The following ADGRE1 variants were observed in gnomAD, a reference collection of about 807,000 sequenced individuals.
ADGRE1 encodes the protein adhesion G protein-coupled receptor E1, also known as EGF-like module receptor 1.
A neutral mutation model predicts 102.7 loss-of-function variants in ADGRE1; 82 were observed. The ratio of observed to expected loss-of-function variants is 0.80; its 90% CI spans 0.67 to 0.96. The LOEUF (loss-of-function observed/expected upper bound fraction) is 0.96, where lower values mean the gene tolerates loss of function less well. ADGRE1 is among the 40% of genes least tolerant of loss of function. The probability of loss-of-function intolerance (pLI) is 0.00; values close to 1 mark genes in which losing one functional copy is unlikely to be tolerated. For missense variants in ADGRE1, 1,032 were observed against 1,085.3 expected (o/e 0.95, Z 0.69); for synonymous variants, 398 against 399.6 (o/e 1.00, Z 0.05).
At chr19:6,923,155 C>T (rs992399039) in intron 14 of ADGRE1, among the ~76,000 whole-genome samples, 12 of 152,254 alleles carry the variant, frequency 7.9e-5, no homozygotes, top group African/African-American at 2.4e-4. Context: ...AAGTAAGTGC[C>T]ATTTCGAGGA....
intron 14 of ADGRE1, among the ~76,000 whole-genome samples, chr19:6,922,848 T>C (rs1974728837): frequency 6.6e-6 from 1 of 151,878 alleles, no homozygotes; most frequent in South Asian, 2.1e-4. Flanking sequence ...GAGGCCGAGG[T>C]GGGCAGATCA....
chr19:6,921,370 C>T (rs776726851), intron 13 of ADGRE1, among the ~76,000 whole-genome samples: 4 of 152,026 alleles, frequency 2.6e-5, no homozygotes, highest in Non-Finnish European at 5.9e-5. Context: ...TGCAGCGAGC[C>T]GAGACTGCAC....
At chr19:6,907,122 C>T (rs1161928404) in intron 9 of ADGRE1, among the ~76,000 whole-genome samples, 1 of 152,068 alleles carries the variant, frequency 6.6e-6, no homozygotes, top group African/African-American at 2.4e-5. Context: ...AGTAAAGACT[C>T]CATGACCTCT....
chr19:6,905,507 C>T (rs1973921095), intron 8 of ADGRE1, among the ~76,000 whole-genome samples: 1 of 151,978 alleles, frequency 6.6e-6, no homozygotes, highest in Non-Finnish European at 1.5e-5. Context: ...TGCCCATCAC[C>T]ACACCCAGCT....
intron 2 of ADGRE1, chr19:6,896,148 TAA>T: frequency 2.5e-6 from 1 of 407,320 alleles, no homozygotes; most frequent in Non-Finnish European, 4.5e-6. Context: ...TCTCTTCTTA[TAA>T]GGACACCTGT....
chr19:6,897,304 G>T lies in ADGRE1; in HGVS notation c.394G>T (p.Asp132Tyr), dbSNP rs1973595241. 1 of 1,613,672 alleles carries T rather than the reference G, an allele frequency of 6.2e-7. No homozygotes were observed. Among genetic ancestry groups the T allele is most frequent in the Non-Finnish European group, 8.5e-7 (1 of 1,179,952 alleles). Reference protein sequence around the residue: ...PGKPGNFSCTDINECLTSSVC... With the variant: ...PGKPGNFSCTYINECLTSSVC... ...AAAGCCGGGCAATTTCTCCTGTACT[G>T]GTAATGCTCTCAGGTTCCCAGGGAT... is the stretch of plus-strand genomic sequence containing the variant. Residue 132 changes from aspartate to tyrosine, a missense_variant and splice_region_variant, in exon 4 of 21, where the codon GAT becomes TAT. Physicochemically the swap from Asp to Tyr is radical, Grantham distance 160. Transcript: ENST00000312053.
intron 11 of ADGRE1, among the ~76,000 whole-genome samples, chr19:6,915,483 AG>A (rs1158142495): frequency 1.3e-5 from 2 of 152,284 alleles, no homozygotes; most frequent in African/African-American, 4.8e-5. Context: ...GGAGGCACAG[AG>A]AGGTTAAGTC....
In ADGRE1 at chr19:6,940,208, A is replaced by G; in HGVS notation, c.*179A>G. The G allele has an allele frequency of 3.0e-6, 2 of 673,034 alleles. No homozygotes were observed. The highest frequency in any genetic ancestry group is 2.7e-5 in the East Asian group (1 of 36,670). The allele number at this position is 673,034 out of a possible 1,614,324, so 41.7% of individuals were successfully genotyped here. A position where few individuals can be genotyped will look rare whatever the true frequency, so the allele number is the denominator to read the frequency against. ...TCCTGTGGTTGTATGCACTGATGAG[A>G]AATCAGGCGTTTCTGCTCCAAACGA... On this transcript the variant is annotated 3_prime_UTR_variant, in exon 21 of 21. Transcript: ENST00000312053.
chr19:6,931,439 C>A (rs73488639), intron 17 of ADGRE1, among the ~76,000 whole-genome samples: 4,570 of 152,168 alleles, frequency 0.03, 216 homozygotes, highest in African/African-American at 0.097. Context: ...TTGGCAGGGC[C>A]ACGCTCCCCA....
chr19:6,908,643 C>G lies in ADGRE1; in HGVS notation c.1039-46C>G, dbSNP rs749357068. On this transcript the variant is annotated intron_variant, in intron 9 of 20. Coordinates refer to ENST00000312053, the MANE Select transcript of ADGRE1 (RefSeq NM_001974.5). ...AGATTACATGCTTGGGGGAATACAT[C>G]GATTCATGCTCACAAATGCTCTTTT... 1.4e-5 allele frequency: 21 copies of G among 1,477,762 alleles called. 2 individuals carry two copies. Among genetic ancestry groups the G allele is most frequent in the East Asian group, 7.2e-5 (3 of 41,444 alleles). The allele number at this position is 1,477,762 out of a possible 1,614,324, so 91.5% of individuals were successfully genotyped here. A position where few individuals can be genotyped will look rare whatever the true frequency, so the allele number is the denominator to read the frequency against.
chr19:6,908,575 A>T, intron 9 of ADGRE1, 114 bp from the exon 10 acceptor site: 1 of 816,426 alleles, frequency 1.2e-6, no homozygotes, highest in Non-Finnish European at 1.9e-6. Context: ...AGACTCAGGA[A>T]TTCAGAGCCA....
At chr19:6,908,923 C>A in intron 10 of ADGRE1, 151 bp downstream of exon 10, 1 of 675,864 alleles carries the variant, frequency 1.5e-6, no homozygotes, top group Non-Finnish European at 2.4e-6. Flanking sequence ...CACTTGAGGT[C>A]AGGAGTTCAA....
At chr19:6,911,682 C>T (rs1176667977) in intron 10 of ADGRE1, among the ~76,000 whole-genome samples, 1 of 151,096 alleles carries the variant, frequency 6.6e-6, no homozygotes, top group Non-Finnish European at 1.5e-5. Flanking sequence ...CATACAAATA[C>T]ATACACGTAT....
In ADGRE1 at chr19:6,906,496, A is replaced by G. The variant is rs1261523745; in HGVS notation, c.1013A>G (p.Glu338Gly). The G allele has an allele frequency of 6.2e-7, 1 of 1,613,794 alleles. No individual in the cohort carries two copies. The highest frequency in any genetic ancestry group is 8.5e-7 in the Non-Finnish European group (1 of 1,179,874). ...PDNKQIQQCQEGTAVKPAYVS... is the reference protein window; with the variant it reads ...PDNKQIQQCQGGTAVKPAYVS... Reference sequence around the variant, plus strand: ...AATAAGCAGATCCAGCAATGCCAAGAGGGAACCGCAGTGAAACCTGCATAT... The same window carrying G: ...AATAAGCAGATCCAGCAATGCCAAGGGGGAACCGCAGTGAAACCTGCATAT... Residue 338 changes from glutamate (E) to glycine (G), a missense_variant, in exon 9 of 21, where the codon GAG becomes GGG. By Grantham distance (98) the Glu-to-Gly change is moderately conservative. Coordinates refer to ENST00000312053, the MANE Select transcript of ADGRE1 (RefSeq NM_001974.5).
At chr19:6,916,451 A>G in intron 12 of ADGRE1, 83 bp downstream of exon 12, 1 of 1,507,916 alleles carries the variant, frequency 6.6e-7, no homozygotes, top group Non-Finnish European at 8.9e-7. Flanking sequence ...TGCCAAGACC[A>G]GTGCCAGATA....
intron 8 of ADGRE1, 103 bp from the exon 9 acceptor site, chr19:6,906,330 T>C (rs771110480): frequency 3.8e-5 from 36 of 948,518 alleles, no homozygotes; most frequent in Non-Finnish European, 5.6e-5. Context: ...GGGTAATAGA[T>C]GGATTTTAAG....
Position 6,916,280 on chromosome 19 carries a change from C to T in ADGRE1, c.1332C>T (p.Cys444=). The change falls in exon 12 of 21, where the codon TGC becomes TGT. Residue 444 remains cysteine, a synonymous_variant. Transcript: ENST00000312053. ...AGAGCAAAGTTATCAACAAAGAATG[C>T]AGTGAAGAGAATGTGACGTTGGACT... ...DIESKVINKE[C]SEENVTLDLV... The T allele has an allele frequency of 6.2e-7, 1 of 1,612,894 alleles. No individual in the cohort carries two copies. The highest frequency in any genetic ancestry group is 8.5e-7 in the Non-Finnish European group (1 of 1,179,292).
chr19:6,896,208 G>A (rs1001415778), intron 2 of ADGRE1, 190 bp from the exon 3 acceptor site: 10 of 547,462 alleles, frequency 1.8e-5, no homozygotes, highest in Non-Finnish European at 3.2e-5. Flanking sequence ...TATCTTAATT[G>A]CATCTACAAA....
Position 6,930,431 on chromosome 19 carries a change from ATTAAATTTTTTTTTATTT to A in ADGRE1, c.2289+2225_2289+2242del, listed in dbSNP as rs772493371. ...ATGTCTTTTGTCATATTTTTCGAGG[ATTAAATTTTTTTTTATTT>A]TTAATTTTTGTGGGCACAAAGTAAG... On this transcript the variant is annotated intron_variant, in intron 17 of 20. Transcript: ENST00000312053. Among the ~76,000 whole-genome samples the A allele has an allele frequency of 7.3e-4, 111 of 152,158 alleles. No individual in the cohort carries two copies. In the Middle Eastern group the frequency reaches 0.031, roughly 42 times the overall value.
Sources: allele counts gnomAD v4.1 joint callset (sites outside exome capture counted in the v4.1 genomes callset), GRCh38; gene constraint gnomAD v4.1.1; transcripts MANE v1.5; gene names NCBI Gene and HGNC (gene_info 2026-07-23, HGNC 2026-07-21).